The following ST18 variants were observed in gnomAD, a reference collection of about 807,000 sequenced individuals.
The protein encoded by ST18 is suppression of tumorigenicity 18 protein.
In ST18, 50 loss-of-function variants were observed where a neutral mutation model predicts 110.0. The observed-to-expected ratio is 0.45, with a 90% CI of 0.36 to 0.58. The LOEUF (loss-of-function observed/expected upper bound fraction) is 0.58. ST18 is among the 20% of genes least tolerant of loss of function. The probability of loss-of-function intolerance (pLI) is 0.00; values close to 1 mark genes in which losing one functional copy is unlikely to be tolerated. For missense variants in ST18, 1,306 were observed against 1,280.1 expected (o/e 1.02, Z -0.31); for synonymous variants, 461 against 452.4 (o/e 1.02, Z -0.24).
Position 52,149,782 on chromosome 8 carries a change from T to C in ST18, c.2002A>G (p.Thr668Ala). 6.2e-7 allele frequency: 1 copy of C among 1,614,170 alleles called. No individual in the cohort carries two copies. Among genetic ancestry groups the C allele is most frequent in the Non-Finnish European group, 8.5e-7 (1 of 1,180,028 alleles). The part of the protein sequence containing the change: ...QALCDQEGWD[T>A]PINYSKTHGK... ...TGAGTTTTGCTATAGTTGATAGGAG[T>C]GTCCCAGCCCTCTTGGTCACAAAGA... The change falls in exon 16 of 26, where the codon ACT becomes GCT. Residue 668 changes from threonine (T) to alanine (A), a missense_variant. Physicochemically the swap from Thr to Ala is moderately conservative, Grantham distance 58. Coordinates refer to ENST00000689386, the MANE Select transcript of ST18 (RefSeq NM_001352837.2).
At chr8:52,186,424 C>A (rs558854899) in intron 8 of ST18, among the ~76,000 whole-genome samples, 1 of 152,142 alleles carries the variant, frequency 6.6e-6, no homozygotes, top group East Asian at 1.9e-4. Context: ...CCCCAAATGT[C>A]GGTGAGGATC....
chr8:52,366,851 A>C (rs1236814897), intron 2 of ST18, among the ~76,000 whole-genome samples: 1 of 152,194 alleles, frequency 6.6e-6, no homozygotes, highest in Admixed American at 6.5e-5. Context: ...TCATTATACT[A>C]TGTTCCCAAG....
At chr8:52,374,402 C>G (rs1831399273) in intron 2 of ST18, among the ~76,000 whole-genome samples, 1 of 152,142 alleles carries the variant, frequency 6.6e-6, no homozygotes, top group African/African-American at 2.4e-5. Flanking sequence ...CAGGAACACA[C>G]TCCCTCGGAG....
At chr8:52,121,140 G>A (rs373175613) in intron 23 of ST18, among the ~76,000 whole-genome samples, 8 of 152,146 alleles carry the variant, frequency 5.3e-5, no homozygotes, top group Middle Eastern at 3.2e-3. Flanking sequence ...CTGGGATTTC[G>A]TTAGGATTAT....
rs989075599 is a variant in ST18, at chr8:52,180,174, A to C, written c.225T>G (p.Ser75Arg). 6.2e-7 allele frequency: 1 copy of C among 1,613,974 alleles called. No homozygotes were observed. The highest frequency in any genetic ancestry group is 1.3e-5 in the African/African-American group (1 of 74,892). The change falls in exon 9 of 26, where the codon AGT (serine) becomes AGG (arginine). Residue 75 changes from serine (S) to arginine (R), a missense_variant. By Grantham distance (110) the Ser-to-Arg change is moderately radical. Transcript: ENST00000689386. ...SPKADCQEDR[S>R]DRTEDDGPLE... Reference sequence around the variant, plus strand: ...AGGGGCCATCGTCCTCTGTCCTGTCACTGCGGTCTTCTTGGCAGTCTGCTT... The same window carrying C: ...AGGGGCCATCGTCCTCTGTCCTGTCCCTGCGGTCTTCTTGGCAGTCTGCTT...
At chr8:52,165,768 G>A (rs2062780047) in intron 11 of ST18, among the ~76,000 whole-genome samples, 1 of 152,198 alleles carries the variant, frequency 6.6e-6, no homozygotes, top group African/African-American at 2.4e-5. Context: ...GGACAGCACT[G>A]AGCTGATTAG....
intron 2 of ST18, among the ~76,000 whole-genome samples, chr8:52,334,139 A>G (rs1360887302): frequency 2.0e-5 from 3 of 152,278 alleles, no homozygotes; most frequent in African/African-American, 7.2e-5. Flanking sequence ...TTGATGCCAC[A>G]GAATCCCTAT....
chr8:52,335,100 AT>A (rs1024796116), intron 2 of ST18, among the ~76,000 whole-genome samples: 3 of 152,076 alleles, frequency 2.0e-5, no homozygotes, highest in Admixed American at 1.3e-4. Flanking sequence ...TTATTTTCTT[AT>A]TTTTTTCCCA....
At chr8:52,319,153 G>A (rs1312055106) in intron 2 of ST18, among the ~76,000 whole-genome samples, 1 of 152,044 alleles carries the variant, frequency 6.6e-6, no homozygotes, top group East Asian at 1.9e-4. Flanking sequence ...AAAAAATATT[G>A]GTGAAAGTGG....
At chr8:52,331,079 G>C (rs1564512600) in intron 2 of ST18, among the ~76,000 whole-genome samples, 1 of 152,078 alleles carries the variant, frequency 6.6e-6, no homozygotes, top group African/African-American at 2.4e-5. Context: ...CTGTGCAACT[G>C]CTTCCTGCAA....
At chr8:52,294,732 G>T (rs1227648615) in intron 2 of ST18, among the ~76,000 whole-genome samples, 1 of 152,230 alleles carries the variant, frequency 6.6e-6, no homozygotes. Flanking sequence ...CTCAGGTCTT[G>T]CTGGGCACTG....
chr8:52,116,943 T>C (rs1305551146), intron 24 of ST18, among the ~76,000 whole-genome samples: 1 of 152,090 alleles, frequency 6.6e-6, no homozygotes, highest in Admixed American at 6.6e-5. Flanking sequence ...CCATCTAATC[T>C]CTTTTTGGCC....
chr8:52,345,508 C>T (rs1482988024), intron 2 of ST18, among the ~76,000 whole-genome samples: 2 of 152,294 alleles, frequency 1.3e-5, no homozygotes, highest in Middle Eastern at 3.4e-3. Context: ...AGAGATGATA[C>T]CAGTATATCT....
chr8:52,355,986 A>G (rs1005900303), intron 2 of ST18, among the ~76,000 whole-genome samples: 3 of 152,208 alleles, frequency 2.0e-5, no homozygotes, highest in Admixed American at 2.0e-4. Context: ...CAACCAGACA[A>G]GCAACACTCA....
At chr8:52,124,557 G>A (rs1391563376) in intron 23 of ST18, among the ~76,000 whole-genome samples, 1 of 152,152 alleles carries the variant, frequency 6.6e-6, no homozygotes, top group African/African-American at 2.4e-5. Flanking sequence ...GAAATAAGGA[G>A]ATAAATAAAT....
intron 2 of ST18, among the ~76,000 whole-genome samples, chr8:52,370,358 G>A (rs1829805268): frequency 6.6e-6 from 1 of 152,022 alleles, no homozygotes; most frequent in African/African-American, 2.4e-5. Context: ...GCACATGTGT[G>A]CATGTGTGTG....
intron 2 of ST18, among the ~76,000 whole-genome samples, chr8:52,281,398 G>T (rs1298832543): frequency 6.6e-6 from 1 of 151,980 alleles, no homozygotes. Flanking sequence ...TGTTCGAAGA[G>T]ACTAAAGAAA....
chr8:52,396,065 T>C (rs1014258322), intron 2 of ST18, among the ~76,000 whole-genome samples: 1 of 152,148 alleles, frequency 6.6e-6, no homozygotes, highest in African/African-American at 2.4e-5. Context: ...AACGTGATAT[T>C]ATAGGAAACA....
chr8:52,321,203 G>A lies in ST18; in HGVS notation c.-465+88125C>T, dbSNP rs552373680. Among the ~76,000 whole-genome samples the A allele has an allele frequency of 1.1e-4, 17 of 152,294 alleles. No individual in the cohort carries two copies. The South Asian group carries it at 3.5e-3, about 32-fold the overall frequency. On this transcript the variant is annotated intron_variant, in intron 2 of 25. Transcript: ENST00000689386. The stretch of plus-strand genomic sequence containing the variant: ...AGAGACACTCCAATCTCAGGGTGAG[G>A]CTACCTTTTGGAGGGGACAAGGGGG...
Sources: allele counts gnomAD v4.1 joint callset (sites outside exome capture counted in the v4.1 genomes callset), GRCh38; gene constraint gnomAD v4.1.1; transcripts MANE v1.5; gene names NCBI Gene and HGNC (gene_info 2026-07-23, HGNC 2026-07-21).